Variants in LRRC37A2 observed in about 807,000 individuals in gnomAD.
LRRC37A2 encodes leucine rich repeat containing 37 member A2.
Under a neutral mutation model 68.8 loss-of-function variants are expected in LRRC37A2, and 9 were observed. The observed-to-expected ratio is 0.13, with a 90% confidence interval of 0.08 to 0.23. The LOEUF (loss-of-function observed/expected upper bound fraction) is 0.23. Among genes scored for constraint, LRRC37A2 ranks in the 10% least tolerant of loss-of-function variants. The pLI, the probability that LRRC37A2 is intolerant of heterozygous loss-of-function variation, is 1.00. For missense variants in LRRC37A2, 168 were observed against 950.4 expected (o/e 0.18, Z 10.82); for synonymous variants, 63 against 367.6 (o/e 0.17, Z 9.48).
At chr17:46,912,122 C>T in the LRRC37A2 span, among the ~76,000 whole-genome samples, 123 of 152,282 alleles carry the variant, frequency 8.1e-4, no homozygotes, top group African/African-American at 2.8e-3. Context: ...GCCACCTCTG[C>T]CTTCCTCACA....
At chr17:47,027,039 C>T in the LRRC37A2 span, among the ~76,000 whole-genome samples, 29 of 152,146 alleles carry the variant, frequency 1.9e-4, no homozygotes, top group East Asian at 1.6e-3. Context: ...GCCTCCTGAG[C>T]GGCTAGGACT....
downstream of LRRC37A2, chr17:46,556,877 AAAC>A (rs1401934524): frequency 1.9e-5 from 2 of 104,544 alleles, no homozygotes; most frequent in African/African-American, 4.5e-5. Flanking sequence ...GAGAACTCAT[AAAC>A]AACAGACACT....
chr17:46,989,072 C>T, the LRRC37A2 span, among the ~76,000 whole-genome samples: 4 of 152,234 alleles, frequency 2.6e-5, no homozygotes, highest in South Asian at 2.1e-4. Flanking sequence ...AACCCCTGCT[C>T]GAGCATAGGA....
At chr17:46,802,732 C>T in the LRRC37A2 span, among the ~76,000 whole-genome samples, 4 of 152,186 alleles carry the variant, frequency 2.6e-5, no homozygotes, top group East Asian at 1.9e-4. Flanking sequence ...CAAGTGCTTC[C>T]GGATAGCGGA....
At chr17:46,861,705 G>A in the LRRC37A2 span, among the ~76,000 whole-genome samples, 1 of 152,226 alleles carries the variant, frequency 6.6e-6, no homozygotes, top group African/African-American at 2.4e-5. Context: ...GGCTGAAGAG[G>A]AGGGTGAAGA....
chr17:47,022,166 C>CTTTTTTTTTTTTTTTT, the LRRC37A2 span, among the ~76,000 whole-genome samples: 88 of 15,854 alleles, frequency 5.6e-3, 31 homozygotes, highest in East Asian at 0.022. Flanking sequence ...CCTTTTTGTT[C>CTTTTTTTTTTTTTTTT]TCTTTTTTTT....
chr17:46,844,121 T>C, the LRRC37A2 span, among the ~76,000 whole-genome samples: 2 of 149,386 alleles, frequency 1.3e-5, no homozygotes, highest in Admixed American at 1.3e-4. Flanking sequence ...GCCTGGCTAA[T>C]TTTTTTTTTC....
the LRRC37A2 span, chr17:46,769,743 GC>G: frequency 6.2e-7 from 1 of 1,602,896 alleles, no homozygotes; most frequent in Admixed American, 1.7e-5. Context: ...GAAGCGGGGG[GC>G]TGCTCCCTGA....
At chr17:46,933,336 A>G in the LRRC37A2 span, 3 of 152,262 alleles carry the variant, frequency 2.0e-5, no homozygotes, top group Non-Finnish European at 4.4e-5. Context: ...CCCATCAGCC[A>G]TACTGTTTTA....
chr17:46,750,000 A>G, the LRRC37A2 span: 280 of 1,388,254 alleles, frequency 2.0e-4, 1 homozygote, highest in Non-Finnish European at 2.5e-4. Flanking sequence ...TTTGGTTTTT[A>G]TGCTAATCTG....
the LRRC37A2 span, among the ~76,000 whole-genome samples, chr17:46,757,964 A>G: frequency 6.6e-6 from 1 of 152,026 alleles, no homozygotes; most frequent in South Asian, 2.1e-4. Flanking sequence ...ACTTGCACTC[A>G]GCCTGGGCAA....
the LRRC37A2 span, chr17:46,872,622 C>T: frequency 1.2e-6 from 2 of 1,613,336 alleles, no homozygotes; most frequent in Non-Finnish European, 1.7e-6. Flanking sequence ...TGAAGCTGTC[C>T]CGGCGGCAGA....
chr17:46,985,026 G>A, the LRRC37A2 span, among the ~76,000 whole-genome samples: 4 of 152,196 alleles, frequency 2.6e-5, no homozygotes, highest in Non-Finnish European at 5.9e-5. Context: ...TTCCTGGAAT[G>A]GGCAAAGGTA....
chr17:46,823,140 TATTA>T, the LRRC37A2 span, among the ~76,000 whole-genome samples: 1 of 133,368 alleles, frequency 7.5e-6, no homozygotes, highest in Admixed American at 8.3e-5. Context: ...ATATATATTA[TATTA>T]TATATATTTA....
At chr17:47,011,839 T>C in the LRRC37A2 span, among the ~76,000 whole-genome samples, 2 of 152,188 alleles carry the variant, frequency 1.3e-5, no homozygotes, top group Non-Finnish European at 2.9e-5. Context: ...GAATACTACA[T>C]AAATGATGTG....
chr17:47,039,041 G>A, the LRRC37A2 span, among the ~76,000 whole-genome samples: 1 of 149,796 alleles, frequency 6.7e-6, no homozygotes, highest in East Asian at 2.0e-4. Context: ...CTCCTTATAG[G>A]GCAGGTCTTC....
chr17:47,023,657 C>G, the LRRC37A2 span, among the ~76,000 whole-genome samples: 1 of 151,988 alleles, frequency 6.6e-6, no homozygotes, highest in African/African-American at 2.4e-5. Flanking sequence ...TGCAATGGTG[C>G]GATCTTGGCT....
chr17:46,738,910 T>C, the LRRC37A2 span, among the ~76,000 whole-genome samples: 2 of 151,996 alleles, frequency 1.3e-5, no homozygotes, highest in African/African-American at 4.8e-5. Flanking sequence ...TAGACCAGCC[T>C]GGGCAATATG....
At chr17:46,502,653 C>A in the LRRC37A2 span, among the ~76,000 whole-genome samples, 1 of 151,212 alleles carries the variant, frequency 6.6e-6, no homozygotes, top group Non-Finnish European at 1.5e-5. Context: ...GTCTTTTTTG[C>A]TTTTTATAAA....
Sources: allele counts gnomAD v4.1 joint callset (sites outside exome capture counted in the v4.1 genomes callset), GRCh38; gene constraint gnomAD v4.1.1; transcripts MANE v1.5; gene names NCBI Gene and HGNC (gene_info 2026-07-23, HGNC 2026-07-21).